The following KALRN variants were observed in gnomAD, a reference collection of about 807,000 sequenced individuals.
KALRN encodes kalirin RhoGEF kinase.
Under a neutral mutation model 353.7 loss-of-function variants are expected in KALRN, and 70 were observed. The observed-to-expected ratio is 0.20, with a 90% CI of 0.16 to 0.24. KALRN has a LOEUF of 0.24. Ranked by LOEUF, KALRN falls within the 10% of genes least tolerant of loss-of-function variation. KALRN has a pLI of 1.00. For synonymous variants in KALRN, 1,391 were observed against 1,434.8 expected, an observed-to-expected ratio of 0.97 and a Z score of 0.69; for missense variants, 2,791 against 3,756.7, an observed-to-expected ratio of 0.74 and a Z score of 6.72.
rs1189646281 is a variant in KALRN, at chr3:124,723,151, G to A, written c.*3681G>A. The A allele has an allele frequency of 1.3e-5, 2 of 152,152 alleles. No individual in the cohort carries two copies. The highest frequency in any genetic ancestry group is 1.5e-5 in the Non-Finnish European group (1 of 68,032). 9.4% of individuals were successfully genotyped at this position (152,152 alleles called of 1,614,324 possible). A position where few individuals can be genotyped will look rare whatever the true frequency, so the allele number is the denominator to read the frequency against. ...GAGAAAGCTAGCTTCACTGCTTTGT[G>A]GTCCACAAAGCCTTTATAAATAGTA... On this transcript the variant is annotated 3_prime_UTR_variant, in exon 60 of 60. Transcript: ENST00000682506.
chr3:124,467,421 A>C (rs2060450388), intron 25 of KALRN, among the ~76,000 whole-genome samples: 1 of 152,198 alleles, frequency 6.6e-6, no homozygotes, highest in Non-Finnish European at 1.5e-5. Flanking sequence ...ATAAGGGTGG[A>C]GGTGGGCACA....
intron 36 of KALRN, 32 bp downstream of exon 36, chr3:124,633,985 G>A: frequency 2.6e-6 from 4 of 1,559,170 alleles, no homozygotes; most frequent in Non-Finnish European, 3.5e-6. Flanking sequence ...ACTTAAAAGA[G>A]CAACGTGCCG....
intron 33 of KALRN, among the ~76,000 whole-genome samples, chr3:124,562,203 G>A (rs1414142555): frequency 6.6e-6 from 1 of 152,138 alleles, no homozygotes; most frequent in Non-Finnish European, 1.5e-5. Context: ...CTTTACTTCT[G>A]CCTTTGAATT....
intron 7 of KALRN, among the ~76,000 whole-genome samples, chr3:124,326,734 T>C (rs2079954596): frequency 6.6e-6 from 1 of 152,200 alleles, no homozygotes; most frequent in Admixed American, 6.5e-5. Context: ...CTGCCTAAGA[T>C]CCCATGATGT....
chr3:124,718,226 A>G (rs557424119), intron 59 of KALRN, among the ~76,000 whole-genome samples: 48 of 148,654 alleles, frequency 3.2e-4, no homozygotes, highest in African/African-American at 1.1e-3. Context: ...GGTTCAAGCA[A>G]TTCTCTGCCT....
At chr3:124,693,767 G>A (rs1559858089) in intron 51 of KALRN, 37 bp from the exon 52 acceptor site, 4 of 1,424,312 alleles carry the variant, frequency 2.8e-6, no homozygotes, top group Non-Finnish European at 3.9e-6. Flanking sequence ...TAGTAGTTTA[G>A]GATTCAAGCA....
chr3:124,180,552 A>G (rs2073426479), intron 1 of KALRN, among the ~76,000 whole-genome samples: 1 of 152,208 alleles, frequency 6.6e-6, no homozygotes, highest in South Asian at 2.1e-4. Flanking sequence ...CCCACCACTT[A>G]TCAGCTGTGT....
intron 59 of KALRN, among the ~76,000 whole-genome samples, 178 bp downstream of exon 59, chr3:124,717,563 G>C (rs1349821465): frequency 6.6e-6 from 1 of 151,980 alleles, no homozygotes; most frequent in Non-Finnish European, 1.5e-5. Context: ...AGGAGTGGTG[G>C]TGGGCACCTG....
intron 11 of KALRN, among the ~76,000 whole-genome samples, chr3:124,392,100 A>G (rs1156847715): frequency 6.6e-6 from 1 of 151,554 alleles, no homozygotes; most frequent in Non-Finnish European, 1.5e-5. Flanking sequence ...ACCCAGGTGG[A>G]GTGCAGTGGC....
intron 9 of KALRN, among the ~76,000 whole-genome samples, chr3:124,342,506 C>A (rs1356585672): frequency 6.6e-6 from 1 of 152,164 alleles, no homozygotes; most frequent in Non-Finnish European, 1.5e-5. Flanking sequence ...TTTTTTATGG[C>A]TGAATAGTAT....
intron 3 of KALRN, among the ~76,000 whole-genome samples, chr3:124,247,619 T>C (rs867829670): frequency 6.6e-6 from 1 of 152,236 alleles, no homozygotes; most frequent in Non-Finnish European, 1.5e-5. Context: ...GAAGTTGCAG[T>C]GCCCCAAGCG....
intron 15 of KALRN, among the ~76,000 whole-genome samples, chr3:124,423,417 A>G (rs1394999608): frequency 1.3e-5 from 2 of 152,242 alleles, no homozygotes; most frequent in Non-Finnish European, 2.9e-5. Context: ...TACCATCACT[A>G]TTTCCAAAGT....
chr3:124,071,225 T>C (rs763363396), intron 1 of KALRN, among the ~76,000 whole-genome samples: 3 of 152,184 alleles, frequency 2.0e-5, no homozygotes, highest in Non-Finnish European at 4.4e-5. Context: ...ACTTCTGTAA[T>C]GGTGTCATCC....
At chr3:124,444,998 C>T (rs1446489813) in intron 19 of KALRN, among the ~76,000 whole-genome samples, 1 of 152,120 alleles carries the variant, frequency 6.6e-6, no homozygotes, top group African/African-American at 2.4e-5. Flanking sequence ...GTTGTACCAT[C>T]TTCGTAAAGC....
chr3:124,488,362 C>CG, intron 29 of KALRN, 47 bp downstream of exon 29: 3 of 1,230,122 alleles, frequency 2.4e-6, no homozygotes, highest in South Asian at 1.2e-5. Flanking sequence ...TTCCTTGACA[C>CG]GGGGGAGCTT....
Position 124,329,655 on chromosome 3 carries a change from A to G in KALRN, c.1285-206A>G, listed in dbSNP as rs137933395. 4.2e-4 allele frequency among the ~76,000 whole-genome samples: 64 copies of G among 152,204 alleles called. No individual in the cohort carries two copies. In the East Asian group the frequency reaches 0.011, roughly 26 times the overall value. Reference sequence around the variant, plus strand: ...CATAATAGTCAATTTTGTGGAGACTATACTTCCTAAATGGGTGCCTGGGTC... The same window carrying G: ...CATAATAGTCAATTTTGTGGAGACTGTACTTCCTAAATGGGTGCCTGGGTC... On this transcript the variant is annotated intron_variant, in intron 7 of 59. Coordinates refer to ENST00000682506, the MANE Select transcript of KALRN (RefSeq NM_001388419.1).
chr3:124,310,186 A>G (rs958993683), intron 6 of KALRN, among the ~76,000 whole-genome samples: 3 of 152,162 alleles, frequency 2.0e-5, no homozygotes, highest in African/African-American at 7.2e-5. Context: ...AAAGAATAAG[A>G]TGCTTGGGAA....
chr3:124,101,922 G>A (rs1406652944), intron 1 of KALRN, among the ~76,000 whole-genome samples: 1 of 152,064 alleles, frequency 6.6e-6, no homozygotes, highest in East Asian at 1.9e-4. Context: ...GCATATGTGT[G>A]CCCAGCATGA....
chr3:124,220,780 T>C (rs1197110703), intron 1 of KALRN, among the ~76,000 whole-genome samples: 2 of 152,200 alleles, frequency 1.3e-5, no homozygotes, highest in African/African-American at 4.8e-5. Flanking sequence ...CTGCCTCTCC[T>C]TGGACTTAGG....
Sources: gnomAD v4.1 joint callset for allele counts (sites outside exome capture counted in the v4.1 genomes callset) on GRCh38, gnomAD v4.1.1 for gene constraint, MANE v1.5 for transcripts, NCBI Gene and HGNC (gene_info 2026-07-23, HGNC 2026-07-21) for gene names.